The following AGTRAP variants were observed in gnomAD, a reference collection of about 807,000 sequenced individuals.
AGTRAP encodes angiotensin II receptor associated protein, also known as type-1 angiotensin II receptor-associated protein.
In AGTRAP, 7 loss-of-function variants were observed where a neutral mutation model predicts 15.2. The ratio of observed to expected loss-of-function variants is 0.46; its 90% CI spans 0.26 to 0.87. The LOEUF is 0.87. AGTRAP is among the 40% of genes least tolerant of loss of function. The pLI, the probability that AGTRAP is intolerant of heterozygous loss-of-function variation, is 0.15. For synonymous variants in AGTRAP, 74 were observed against 89.6 expected, an observed-to-expected ratio of 0.83 and a Z score of 0.98; for missense variants, 187 against 213.4, an observed-to-expected ratio of 0.88 and a Z score of 0.77.
rs555047072 is a variant in AGTRAP at position 11,750,559 on chromosome 1, T to C, written c.*367T>C. On this transcript the variant is annotated 3_prime_UTR_variant, in exon 5 of 5. Transcript: ENST00000314340. ...CCCCTCAGGCCTCCCCCAAGTTTGC[T>C]GGGCTTTGGTGGAAGCCCTGAGAGC... 2.0e-6 allele frequency: 1 copy of C among 500,148 alleles called. No individual in the cohort carries two copies. Among genetic ancestry groups the C allele is most frequent in the East Asian group, 3.4e-5 (1 of 29,470 alleles). The allele number at this position is 500,148 out of a possible 1,614,324, so 31.0% of individuals were successfully genotyped here. A position where few individuals can be genotyped will look rare whatever the true frequency, so the allele number is the denominator to read the frequency against.
intron 1 of AGTRAP, among the ~76,000 whole-genome samples, chr1:11,742,688 A>G (rs6419480): frequency 0.97 from 147,024 of 152,206 alleles, 71,206 homozygotes; most frequent in Middle Eastern, 1. Context: ...ACTCCACCAT[A>G]CCTGGCTAAT....
intron 2 of AGTRAP, chr1:11,746,329 G>GA (rs1642163470): frequency 1.0e-5 from 11 of 1,049,900 alleles, no homozygotes; most frequent in African/African-American, 1.6e-5. Flanking sequence ...TGGTGATTCT[G>GA]GGCTGGGACC....
chr1:11,750,217 T>TGCCCC lies in AGTRAP; in HGVS notation c.*27_*31dup. The TGCCCC allele has an allele frequency of 5.7e-6, 9 of 1,582,344 alleles. No homozygotes were observed. The highest frequency in any genetic ancestry group is 7.8e-6 in the Non-Finnish European group (9 of 1,154,478). On this transcript the variant is annotated 3_prime_UTR_variant, in exon 5 of 5. Transcript: ENST00000314340. ...AAGCCAGCCACGCTGCGCCCGGCCC[T>TGCCCC]GCCCCGGGCCTTCCTCGTGCCTGGG...
chr1:11,747,975 G>A (rs569191206), intron 3 of AGTRAP, among the ~76,000 whole-genome samples: 1 of 152,188 alleles, frequency 6.6e-6, no homozygotes, highest in African/African-American at 2.4e-5. Flanking sequence ...CCTCCCACAG[G>A]GGGAGCTTCT....
At chr1:11,747,414 C>G (rs371460221) in intron 2 of AGTRAP, 26 bp from the exon 3 acceptor site, 2 of 1,607,510 alleles carry the variant, frequency 1.2e-6, no homozygotes, top group South Asian at 2.2e-5. Flanking sequence ...GGCCTCCTGA[C>G]GGGACTGAGC....
At chr1:11,736,689 GA>G (rs1227430681) in intron 1 of AGTRAP, among the ~76,000 whole-genome samples, 2 of 152,232 alleles carry the variant, frequency 1.3e-5, no homozygotes, top group Non-Finnish European at 2.9e-5. Context: ...TCGGGTTAAG[GA>G]AATCAGATGT....
intron 1 of AGTRAP, among the ~76,000 whole-genome samples, chr1:11,740,966 T>C (rs17875920): frequency 0.11 from 16,550 of 152,140 alleles, 1,311 homozygotes; most frequent in Non-Finnish European, 0.15. Context: ...TTCCTGTCTG[T>C]GGTCCAGGGT....
rs770628018 is a variant in AGTRAP at position 11,748,558 on chromosome 1, CT to C, written c.314del (p.Phe105SerfsTer87). 6.0e-5 allele frequency: 96 copies of C among 1,611,882 alleles called. No individual in the cohort carries two copies. The highest frequency in any genetic ancestry group is 7.8e-5 in the Non-Finnish European group (92 of 1,180,024). ...TGCTGCTCAAGCCGCTCTCCTGCTG[CT>C]TCGTCTACCACATGTACCGGGAGCG... is the stretch of plus-strand genomic sequence containing the variant. ...SLLLKPLSCC[F>X]VYHMYRERGG... is the part of the protein sequence containing the mutation. On this transcript the variant is annotated frameshift_variant, in exon 4 of 5. Transcript: ENST00000314340. LOFTEE classifies it high-confidence loss of function.
intron 1 of AGTRAP, among the ~76,000 whole-genome samples, chr1:11,742,061 C>T (rs1330267870): frequency 1.3e-5 from 2 of 152,260 alleles, no homozygotes; most frequent in African/African-American, 2.4e-5. Flanking sequence ...TGGATTCCAT[C>T]TGCCCCCATG....
rs757394963 is a variant in AGTRAP, at chr1:11,750,271, C to T, written c.*79C>T. 2.6e-5 allele frequency: 31 copies of T among 1,193,540 alleles called. No individual in the cohort carries two copies. The highest frequency in any genetic ancestry group is 3.6e-5 in the Non-Finnish European group (30 of 826,190). 73.9% of individuals were successfully genotyped at this position (1,193,540 alleles called of 1,614,324 possible). On this transcript the variant is annotated 3_prime_UTR_variant, in exon 5 of 5. Transcript: ENST00000314340. ...TCGTTCTAGGGATGCTCCTGACCTC[C>T]GTCTCTTGGACCTAAGATGGAATGT...
intron 1 of AGTRAP, among the ~76,000 whole-genome samples, chr1:11,741,370 G>C (rs1642026681): frequency 6.6e-6 from 1 of 152,208 alleles, no homozygotes; most frequent in Admixed American, 6.5e-5. Flanking sequence ...TCCATTCCTA[G>C]GGCAGAGTAC....
At chr1:11,743,442 C>T (rs1285212631) in intron 1 of AGTRAP, among the ~76,000 whole-genome samples, 4 of 151,998 alleles carry the variant, frequency 2.6e-5, no homozygotes, top group Non-Finnish European at 5.9e-5. Flanking sequence ...GACAGGGTTT[C>T]GCCATGTTAG....
intron 1 of AGTRAP, among the ~76,000 whole-genome samples, chr1:11,742,779 C>T (rs1335808193): frequency 6.6e-6 from 1 of 152,234 alleles, no homozygotes; most frequent in Non-Finnish European, 1.5e-5. Flanking sequence ...AGTCTTCTCC[C>T]TCCACCTCCT....
In AGTRAP at chr1:11,748,491, C is replaced by T. The variant is rs777346986; in HGVS notation, c.245C>T (p.Thr82Met). 1.2e-5 allele frequency: 20 copies of T among 1,613,402 alleles called. No homozygotes were observed. The highest frequency in any genetic ancestry group is 4.4e-5 in the South Asian group (4 of 91,090). ...ISIFYPRVSL[T>M]DTGRFGVGMA... is the part of the protein sequence containing the mutation. Reference sequence around the variant, plus strand: ...ATCTTCTACCCGCGGGTCAGCCTCACGGACACGGGCCGCTTTGGCGTGGGC... The same window carrying T: ...ATCTTCTACCCGCGGGTCAGCCTCATGGACACGGGCCGCTTTGGCGTGGGC... The change falls in exon 4 of 5, where the codon ACG (threonine) becomes ATG (methionine). Residue 82 changes from threonine to methionine, a missense_variant. Physicochemically the swap from Thr to Met is moderately conservative, Grantham distance 81. Coordinates refer to ENST00000314340, the MANE Select transcript of AGTRAP (RefSeq NM_020350.5).
intron 1 of AGTRAP, among the ~76,000 whole-genome samples, chr1:11,741,891 C>T (rs1187750643): frequency 2.0e-5 from 3 of 152,186 alleles, no homozygotes; most frequent in Non-Finnish European, 2.9e-5. Context: ...GTCAGAGTCT[C>T]GAGATCTTAA....
chr1:11,748,368 G>A (rs1397168743), intron 3 of AGTRAP, 47 bp from the exon 4 acceptor site: 2 of 1,575,904 alleles, frequency 1.3e-6, no homozygotes, highest in Admixed American at 3.4e-5. Flanking sequence ...GGGGAGCCAC[G>A]GAGCGTGGTG....
intron 3 of AGTRAP, 124 bp from the exon 4 acceptor site, chr1:11,748,291 A>G: frequency 9.0e-7 from 1 of 1,106,706 alleles, no homozygotes. Flanking sequence ...TGCTTGCTTG[A>G]TCCATTTTCC....
At chr1:11,748,032 T>C (rs1642212782) in intron 3 of AGTRAP, among the ~76,000 whole-genome samples, 1 of 152,096 alleles carries the variant, frequency 6.6e-6, no homozygotes. Flanking sequence ...CCGCACGGGC[T>C]CTTCAAGCCG....
chr1:11,740,425 GCTAA>G (rs1203277510), intron 1 of AGTRAP, among the ~76,000 whole-genome samples: 5 of 152,220 alleles, frequency 3.3e-5, no homozygotes, highest in Admixed American at 6.5e-5. Flanking sequence ...AGCAACTGGT[GCTAA>G]CTTTGTTCAT....
Sources: gnomAD v4.1 joint callset for allele counts (sites outside exome capture counted in the v4.1 genomes callset) on GRCh38, gnomAD v4.1.1 for gene constraint, MANE v1.5 for transcripts, NCBI Gene and HGNC (gene_info 2026-07-23, HGNC 2026-07-21) for gene names.